The following SLC4A4 variants were observed in gnomAD, a reference collection of about 807,000 sequenced individuals.
SLC4A4 encodes electrogenic sodium bicarbonate cotransporter 1.
SLC4A4 carries 27 observed loss-of-function variants against 111.5 expected under a neutral mutation model. The ratio of observed to expected loss-of-function variants is 0.24; its 90% CI spans 0.18 to 0.33. The LOEUF is 0.33. Among genes scored for constraint, SLC4A4 ranks in the 10% least tolerant of loss-of-function variants. The pLI, the probability that SLC4A4 is intolerant of heterozygous loss-of-function variation, is 1.00. For missense variants in SLC4A4, 909 were observed against 1,315.5 expected, an observed-to-expected ratio of 0.69 and a Z score of 4.78; for synonymous variants, 443 against 463.4, an observed-to-expected ratio of 0.96 and a Z score of 0.57.
At chr4:71,563,681 T>C in intron 23 of SLC4A4, 112 bp from the exon 24 acceptor site, 1 of 757,132 alleles carries the variant, frequency 1.3e-6, no homozygotes, top group South Asian at 1.5e-5. Flanking sequence ...TATAAGGCTT[T>C]TCTCCTTAGT....
At chr4:71,144,606 A>G (rs1025460952) in intron 2 of SLC4A4, among the ~76,000 whole-genome samples, 3 of 151,110 alleles carry the variant, frequency 2.0e-5, no homozygotes, top group African/African-American at 4.9e-5. Context: ...ATTTGTTTGT[A>G]TCCTCTTTTA....
intron 4 of SLC4A4, among the ~76,000 whole-genome samples, chr4:71,344,474 T>C (rs1729157060): frequency 2.0e-5 from 3 of 152,146 alleles, no homozygotes; most frequent in Admixed American, 1.3e-4. Flanking sequence ...TAATAAAAGT[T>C]TAATGCTTAG....
chr4:71,181,093 C>A (rs911848902), intron 2 of SLC4A4, among the ~76,000 whole-genome samples: 3 of 151,660 alleles, frequency 2.0e-5, no homozygotes, highest in Non-Finnish European at 4.4e-5. Context: ...GAAACCATCA[C>A]TCTCAGCAAA....
chr4:71,096,435 G>A lies in SLC4A4; in HGVS notation c.-2+3643G>A, dbSNP rs189441570. Among the ~76,000 whole-genome samples the A allele has an allele frequency of 9.2e-5, 14 of 152,226 alleles. No homozygotes were observed. The East Asian group carries it at 2.3e-3, about 25-fold the overall frequency. ...TGAGAAGGACAGTTCAGAAAAAGAC[G>A]GTGAATCGCAGAAGTGAAAGGAGAG... On this transcript the variant is annotated intron_variant, in intron 2 of 26. Transcript: ENST00000649996.
intron 7 of SLC4A4, among the ~76,000 whole-genome samples, chr4:71,419,313 G>T (rs1028950474): frequency 1.3e-5 from 2 of 152,216 alleles, no homozygotes; most frequent in Non-Finnish European, 2.9e-5. Flanking sequence ...GCCTACAGAG[G>T]CAGGCAGGCC....
chr4:71,354,872 C>T (rs1322783797), intron 5 of SLC4A4, among the ~76,000 whole-genome samples: 1 of 152,148 alleles, frequency 6.6e-6, no homozygotes, highest in African/African-American at 2.4e-5. Context: ...CTTGATGCTC[C>T]ATGAAGTTCC....
At chr4:71,268,360 A>T (rs1021177747) in intron 3 of SLC4A4, among the ~76,000 whole-genome samples, 3 of 152,142 alleles carry the variant, frequency 2.0e-5, no homozygotes, top group Admixed American at 1.3e-4. Flanking sequence ...TAAGGAAGAG[A>T]TCAGATGACG....
chr4:71,128,087 C>T (rs1363720356), intron 2 of SLC4A4, among the ~76,000 whole-genome samples: 1 of 152,172 alleles, frequency 6.6e-6, no homozygotes, highest in Non-Finnish European at 1.5e-5. Flanking sequence ...CTGTATTAAT[C>T]TGTTTTCACG....
chr4:71,417,022 C>A (rs1053398487), intron 7 of SLC4A4, among the ~76,000 whole-genome samples: 1 of 152,110 alleles, frequency 6.6e-6, no homozygotes, highest in South Asian at 2.1e-4. Context: ...TCGACTACCA[C>A]GAGATGGAGC....
chr4:71,068,190 G>A (rs1578448163), intron 1 of SLC4A4, among the ~76,000 whole-genome samples: 1 of 148,148 alleles, frequency 6.8e-6, no homozygotes, highest in African/African-American at 2.5e-5. Context: ...TCAGCCACCC[G>A]AGTAGCTGGG....
intron 7 of SLC4A4, among the ~76,000 whole-genome samples, chr4:71,421,599 C>T (rs530268450): frequency 5.9e-5 from 9 of 152,292 alleles, no homozygotes; most frequent in Admixed American, 2.0e-4. Context: ...AAGCTCTCCT[C>T]AGCAAATGTT....
At chr4:71,494,315 G>A (rs1730204372) in intron 15 of SLC4A4, among the ~76,000 whole-genome samples, 1 of 151,966 alleles carries the variant, frequency 6.6e-6, no homozygotes, top group East Asian at 1.9e-4. Flanking sequence ...CATTTGTCTT[G>A]TTCTTTGTTT....
At chr4:71,399,477 C>CCTT (rs1720157541) in intron 7 of SLC4A4, among the ~76,000 whole-genome samples, 1 of 134,118 alleles carries the variant, frequency 7.5e-6, no homozygotes, top group Non-Finnish European at 1.6e-5. Context: ...CCCTCCCCTC[C>CCTT]CCTCCCCCTC....
chr4:71,344,939 C>T (rs1207865402), intron 4 of SLC4A4, among the ~76,000 whole-genome samples: 1 of 152,036 alleles, frequency 6.6e-6, no homozygotes, highest in Non-Finnish European at 1.5e-5. Flanking sequence ...GGGGAGATGT[C>T]CCCTTTTAAG....
intron 22 of SLC4A4, among the ~76,000 whole-genome samples, 198 bp downstream of exon 22, chr4:71,558,083 G>C (rs989904434): frequency 1.6e-4 from 24 of 151,878 alleles, no homozygotes; most frequent in African/African-American, 5.6e-4. Context: ...GCTCACCTAA[G>C]TTCAGATACT....
chr4:71,337,819 T>TTTAATTAA (rs563934128), intron 3 of SLC4A4, among the ~76,000 whole-genome samples: 13 of 151,588 alleles, frequency 8.6e-5, no homozygotes, highest in Admixed American at 3.9e-4. Flanking sequence ...ATTTTTGACA[T>TTTAATTAA]TTAATTAATT....
intron 5 of SLC4A4, 135 bp downstream of exon 5, chr4:71,350,207 C>A: frequency 1.1e-6 from 1 of 881,920 alleles, no homozygotes; most frequent in Admixed American, 2.4e-5. Context: ...TGCATTATAA[C>A]ATTAGTATGA....
At chr4:71,515,262 C>T (rs1008721936) in intron 16 of SLC4A4, among the ~76,000 whole-genome samples, 14 of 151,790 alleles carry the variant, frequency 9.2e-5, no homozygotes, top group African/African-American at 3.4e-4. Flanking sequence ...CGTTTAATTT[C>T]TATATATTTT....
chr4:71,198,667 C>A (rs1746118675), intron 1 of SLC4A4, among the ~76,000 whole-genome samples: 1 of 152,120 alleles, frequency 6.6e-6, no homozygotes, highest in Non-Finnish European at 1.5e-5. Context: ...AGGAGCACCA[C>A]ATATAAGAGA....
Sources: allele counts gnomAD v4.1 joint callset (sites outside exome capture counted in the v4.1 genomes callset), GRCh38; gene constraint gnomAD v4.1.1; transcripts MANE v1.5; gene names NCBI Gene and HGNC (gene_info 2026-07-23, HGNC 2026-07-21).